MLXIP: variants seen among roughly 807,000 people sequenced by gnomAD.
MLXIP encodes MLX interacting protein.
In MLXIP, 30 loss-of-function variants were observed where a neutral mutation model predicts 87.2. The ratio of observed to expected loss-of-function variants is 0.34; its 90% confidence interval spans 0.26 to 0.47. The LOEUF is 0.47. Among genes scored for constraint, MLXIP ranks in the 20% least tolerant of loss-of-function variants. The pLI is 1.00. For missense variants in MLXIP, 1,002 were observed against 1,240.1 expected, an observed-to-expected ratio of 0.81 and a Z score of 2.88; for synonymous variants, 530 against 514.0, an observed-to-expected ratio of 1.03 and a Z score of -0.42.
intron 1 of MLXIP, among the ~76,000 whole-genome samples, chr12:122,106,981 C>T (rs931225679): frequency 1.4e-4 from 22 of 152,224 alleles, no homozygotes; most frequent in Middle Eastern, 3.4e-3. Context: ...CACTAGCTTC[C>T]GGGTGCAGGA....
chr12:122,144,536 A>G lies in MLXIP; in HGVS notation c.*2724A>G, dbSNP rs1300522232. ...AGCCTAGAAGTTGCAGTGAGCTATG[A>G]TCATGCCACACTGTACTCCAGCCTG... On this transcript the variant is annotated 3_prime_UTR_variant, in exon 17 of 17. Coordinates refer to ENST00000319080, the MANE Select transcript of MLXIP (RefSeq NM_014938.6). 1.3e-5 allele frequency: 2 copies of G among 152,000 alleles called. No individual in the cohort carries two copies. The highest frequency in any genetic ancestry group is 2.4e-5 in the African/African-American group (1 of 41,334). The allele number at this position is 152,000 out of a possible 1,614,324, so 9.4% of individuals were successfully genotyped here. A position where few individuals can be genotyped will look rare whatever the true frequency, so the allele number is the denominator to read the frequency against.
intron 1 of MLXIP, among the ~76,000 whole-genome samples, chr12:122,098,101 G>A (rs1437809879): frequency 6.6e-6 from 1 of 152,252 alleles, no homozygotes; most frequent in African/African-American, 2.4e-5. Context: ...AAGTTTGTTT[G>A]CTTATCTTTG....
chr12:122,139,363 G>C (rs980947469), intron 15 of MLXIP, among the ~76,000 whole-genome samples: 3 of 152,190 alleles, frequency 2.0e-5, no homozygotes. Context: ...GAGTGGTAGA[G>C]CCCAATTTGA....
intron 2 of MLXIP, 155 bp downstream of exon 2, chr12:122,127,517 A>T (rs1263868673): frequency 1.1e-5 from 2 of 176,298 alleles, no homozygotes; most frequent in Non-Finnish European, 2.2e-5. Context: ...GGCCCAGCAG[A>T]GGGGTGGCAT....
At position 122,142,090 on chromosome 12, in the gene MLXIP, G is replaced by A; in HGVS notation, c.*278G>A. On this transcript the variant is annotated 3_prime_UTR_variant, in exon 17 of 17. Transcript: ENST00000319080. ...TGCCCTCGGGGCAGCCCACACAAAA[G>A]GGAAGTGCTGGCCGTGCTGGTCCTG... 1.4e-6 allele frequency: 1 copy of A among 695,016 alleles called. No individual in the cohort carries two copies. The highest frequency in any genetic ancestry group is 2.6e-6 in the Non-Finnish European group (1 of 382,970). The allele number at this position is 695,016 out of a possible 1,614,324, so 43.1% of individuals were successfully genotyped here.
rs759178463 is a variant in MLXIP, at chr12:122,132,423, A to C, written c.1092+40A>C. ...GGGATGGGTGGGGGAAGGGGCTGGC[A>C]GGCACAGGGCTGCTCATCAAAGGTT... On this transcript the variant is annotated intron_variant, in intron 8 of 16. Coordinates refer to ENST00000319080, the MANE Select transcript of MLXIP (RefSeq NM_014938.6). 5 of 1,500,078 alleles carry C rather than the reference A, an allele frequency of 3.3e-6. No individual in the cohort carries two copies. In the South Asian group the frequency reaches 4.7e-5, roughly 14 times the overall value. 92.9% of individuals were successfully genotyped at this position (1,500,078 alleles called of 1,614,324 possible). A position where few individuals can be genotyped will look rare whatever the true frequency, so the allele number is the denominator to read the frequency against.
intron 9 of MLXIP, 50 bp downstream of exon 9, chr12:122,134,037 A>T (rs1953036508): frequency 6.6e-7 from 1 of 1,520,368 alleles, no homozygotes; most frequent in South Asian, 1.3e-5. Context: ...ACCCAGAGGG[A>T]TGTTTTCCCA....
intron 4 of MLXIP, 160 bp from the exon 5 acceptor site, chr12:122,129,428 C>A: frequency 2.3e-6 from 1 of 430,706 alleles, no homozygotes; most frequent in Non-Finnish European, 3.1e-6. Flanking sequence ...TCAGTTTCCC[C>A]ATCTGTGCAC....
At chr12:122,107,849 G>T (rs1952544621) in intron 1 of MLXIP, among the ~76,000 whole-genome samples, 5 of 152,100 alleles carry the variant, frequency 3.3e-5, no homozygotes. Flanking sequence ...TGTGACCAGT[G>T]GTGACAGGGT....
chr12:122,127,278 T>C lies in MLXIP; in HGVS notation c.436T>C (p.Trp146Arg). Residue 146 changes from tryptophan (W) to arginine (R), a missense_variant, in exon 2 of 17, where the codon TGG (tryptophan) becomes CGG (arginine). Trp to Arg is a moderately radical substitution (Grantham distance 101). Coordinates refer to ENST00000319080, the MANE Select transcript of MLXIP (RefSeq NM_014938.6). ...CAGTGGGAAGTTGGTGTCTCCAAAG[T>C]GGAAGAATTTCAAGGGCCTGAAGCT... Reference protein sequence around the residue: ...AYSGKLVSPKWKNFKGLKLQW... With the variant: ...AYSGKLVSPKRKNFKGLKLQW... 6.2e-7 allele frequency: 1 copy of C among 1,613,742 alleles called. No individual in the cohort carries two copies. Among genetic ancestry groups the C allele is most frequent in the Non-Finnish European group, 8.5e-7 (1 of 1,179,806 alleles).
intron 1 of MLXIP, among the ~76,000 whole-genome samples, chr12:122,106,003 T>C (rs1188816738): frequency 6.6e-6 from 1 of 152,204 alleles, no homozygotes; most frequent in African/African-American, 2.4e-5. Context: ...CACTTGCTCT[T>C]CTTTTTCAAG....
intron 1 of MLXIP, among the ~76,000 whole-genome samples, chr12:122,113,125 G>A (rs1322532589): frequency 6.6e-6 from 1 of 152,150 alleles, no homozygotes; most frequent in Non-Finnish European, 1.5e-5. Context: ...GAAATATTCT[G>A]TATATAAAAA....
At chr12:122,103,840 G>GTT (rs377424471) in intron 1 of MLXIP, among the ~76,000 whole-genome samples, 30 of 142,888 alleles carry the variant, frequency 2.1e-4, no homozygotes, top group East Asian at 4.1e-4. Flanking sequence ...AATTTTGTTT[G>GTT]TTTTTTTTTT....
At position 122,133,401 on chromosome 12, in the gene MLXIP, C is replaced by T; in HGVS notation, c.1146C>T (p.Leu382=). 1.2e-6 allele frequency: 2 copies of T among 1,603,156 alleles called. No homozygotes were observed. The highest frequency in any genetic ancestry group is 1.7e-6 in the Non-Finnish European group (2 of 1,172,704). ...CCACTGTGAGCCTTCCTGACAGCCT[C>T]ATCGCGCCCCCTACCGCCCCATCCC... ...ALPTVSLPDS[L]IAPPTAPSLA... is the part of the protein sequence containing the mutation. The change falls in exon 9 of 17, where the codon CTC becomes CTT. Residue 382 remains leucine (L), a synonymous_variant. Transcript: ENST00000319080. This position sits in a 1 kb window ranked among gnomAD's most constrained non-coding sequence, Gnocchi z 4.9.
At chr12:122,083,383 C>T (rs1365567493) in intron 1 of MLXIP, among the ~76,000 whole-genome samples, 1 of 151,490 alleles carries the variant, frequency 6.6e-6, no homozygotes, top group South Asian at 2.1e-4. Flanking sequence ...AAAAAGTGGC[C>T]CCCTCCACGA....
chr12:122,133,711 C>T lies in MLXIP; in HGVS notation c.1456C>T (p.His486Tyr). The T allele has an allele frequency of 1.9e-6, 3 of 1,613,708 alleles. No homozygotes were observed. The highest frequency in any genetic ancestry group is 2.5e-6 in the Non-Finnish European group (3 of 1,179,832). The part of the protein sequence containing the change: ...GVNKAPSVIT[H>Y]TASATLTHDA... ...CAACAAAGCGCCGTCTGTCATCACCCACACGGCCTCTGCCACCCTCACCCA... is the reference window on the plus strand; with the variant it reads ...CAACAAAGCGCCGTCTGTCATCACCTACACGGCCTCTGCCACCCTCACCCA... The change falls in exon 9 of 17, where the codon CAC (histidine) becomes TAC (tyrosine). Residue 486 changes from histidine (H) to tyrosine (Y), a missense_variant. Physicochemically the swap from His to Tyr is moderately conservative, Grantham distance 83. Around this residue, in one of 3 missense-constraint regions of MLXIP, gnomAD observed 746 missense variants for 897.0 expected, o/e 0.83. Coordinates refer to ENST00000319080, the MANE Select transcript of MLXIP (RefSeq NM_014938.6). The surrounding 1 kb of genome is among the most constrained non-coding windows in gnomAD (Gnocchi z 4.9).
chr12:122,137,748 A>G lies in MLXIP; in HGVS notation c.2154+158A>G. The G allele has an allele frequency of 1.4e-6, 1 of 723,292 alleles. No homozygotes were observed. Among genetic ancestry groups the G allele is most frequent in the African/African-American group, 1.9e-5 (1 of 52,002 alleles). 44.8% of individuals were successfully genotyped at this position (723,292 alleles called of 1,614,324 possible). A position where few individuals can be genotyped will look rare whatever the true frequency, so the allele number is the denominator to read the frequency against. On this transcript the variant is annotated intron_variant, in intron 12 of 16. Transcript: ENST00000319080. This position sits in a 1 kb window ranked among gnomAD's most constrained non-coding sequence, Gnocchi z 4.1. Reference sequence around the variant, plus strand: ...GGCTTCTCCTTGCCCCATGCCACGAACCAGCCCTGTGGGGATGGTGGGCCC... The same window carrying G: ...GGCTTCTCCTTGCCCCATGCCACGAGCCAGCCCTGTGGGGATGGTGGGCCC...
At chr12:122,104,968 C>T (rs1333323153) in intron 1 of MLXIP, among the ~76,000 whole-genome samples, 1 of 152,186 alleles carries the variant, frequency 6.6e-6, no homozygotes, top group Non-Finnish European at 1.5e-5. Flanking sequence ...TGAAGTCCGT[C>T]CCACAGTCTG....
At chr12:122,136,904 C>G (rs941807021) in intron 11 of MLXIP, 1 of 152,152 alleles carries the variant, frequency 6.6e-6, no homozygotes, top group African/African-American at 2.4e-5. Flanking sequence ...GAACTTAGAG[C>G]CTGCTGCACA....
Sources: gnomAD v4.1 joint callset for allele counts (sites outside exome capture counted in the v4.1 genomes callset) on GRCh38, gnomAD v4.1.1 for gene constraint, gnomAD v4.1.1 regional missense constraint, Gnocchi (gnomAD v3.1) non-coding constraint, MANE v1.5 for transcripts, NCBI Gene and HGNC (gene_info 2026-07-23, HGNC 2026-07-21) for gene names.